PPM1L: variants seen among roughly 807,000 people sequenced by gnomAD.
PPM1L encodes the protein protein phosphatase, Mg2+/Mn2+ dependent 1L.
Under a neutral mutation model 31.4 loss-of-function variants are expected in PPM1L, and 13 were observed. That is an observed-to-expected ratio of 0.41 (90% CI 0.27 to 0.66). The LOEUF is 0.66. Among genes scored for constraint, PPM1L ranks in the 30% least tolerant of loss-of-function variants. The pLI is 0.29. For missense variants in PPM1L, 326 were observed against 453.7 expected, an observed-to-expected ratio of 0.72 and a Z score of 2.56; for synonymous variants, 184 against 175.4, an observed-to-expected ratio of 1.05 and a Z score of -0.39.
At chr3:160,963,417 G>A (rs1716030402) in intron 2 of PPM1L, among the ~76,000 whole-genome samples, 1 of 152,042 alleles carries the variant, frequency 6.6e-6, no homozygotes, top group African/African-American at 2.4e-5. Context: ...CTGAGATGTA[G>A]AAAATAGATC....
In PPM1L at chr3:160,814,745, G is replaced by GTA. The variant is rs369380232; in HGVS notation, c.399+58048_399+58049dup. Among the ~76,000 whole-genome samples, 423 of 148,700 alleles carry GTA rather than the reference G, an allele frequency of 2.8e-3. 4 individuals are homozygous for GTA. The highest frequency in any genetic ancestry group is 0.011 in the Middle Eastern group (3 of 282). On this transcript the variant is annotated intron_variant, in intron 1 of 3. Coordinates refer to ENST00000498165, the MANE Select transcript of PPM1L (RefSeq NM_139245.4). ...TATACGTGTATATATGTATATATGT[G>GTA]TATATATATATGTATATACCATATA...
At position 160,855,534 on chromosome 3, in the gene PPM1L, A is replaced by G. The variant is rs148644765; in HGVS notation, c.399+98827A>G. On this transcript the variant is annotated intron_variant, in intron 1 of 3. Coordinates refer to ENST00000498165, the MANE Select transcript of PPM1L (RefSeq NM_139245.4). Reference sequence around the variant, plus strand: ...ACTTAAATTAACAAGCAAAAAGCAAACAACCCCATTAAAAAGTGGACAAAG... The same window carrying G: ...ACTTAAATTAACAAGCAAAAAGCAAGCAACCCCATTAAAAAGTGGACAAAG... Among the ~76,000 whole-genome samples, 22 of 152,314 alleles carry G rather than the reference A, an allele frequency of 1.4e-4. No individual in the cohort carries two copies. In the East Asian group the frequency reaches 4.0e-3, roughly 28 times the overall value.
intron 1 of PPM1L, among the ~76,000 whole-genome samples, chr3:160,952,198 A>G (rs1166114136): frequency 2.0e-5 from 3 of 152,186 alleles, no homozygotes; most frequent in African/African-American, 7.2e-5. Flanking sequence ...CTGGTGGGCA[A>G]GGGCACTCAC....
intron 1 of PPM1L, among the ~76,000 whole-genome samples, chr3:160,831,818 C>G (rs1426181849): frequency 2.0e-5 from 3 of 152,162 alleles, no homozygotes; most frequent in Non-Finnish European, 1.5e-5. Flanking sequence ...ATTTGGTTTT[C>G]TCATTAGTAA....
chr3:160,980,266 A>G (rs1716750147), intron 2 of PPM1L, among the ~76,000 whole-genome samples: 1 of 152,024 alleles, frequency 6.6e-6, no homozygotes, highest in African/African-American at 2.4e-5. Context: ...TCTCTCCTGA[A>G]CTATGGCCAA....
At chr3:161,068,547 TC>T (rs1559943457) in intron 3 of PPM1L, among the ~76,000 whole-genome samples, 1 of 152,092 alleles carries the variant, frequency 6.6e-6, no homozygotes, top group Non-Finnish European at 1.5e-5. Context: ...ACCAATGCCC[TC>T]CCCCATATGT....
At chr3:160,829,595 C>A (rs545290185) in intron 1 of PPM1L, among the ~76,000 whole-genome samples, 1 of 152,146 alleles carries the variant, frequency 6.6e-6, no homozygotes, top group Non-Finnish European at 1.5e-5. Context: ...ACCTTTGAAA[C>A]GTGGCTGATT....
chr3:160,891,008 A>C (rs1560140707), intron 1 of PPM1L, among the ~76,000 whole-genome samples: 2 of 152,206 alleles, frequency 1.3e-5, no homozygotes, highest in African/African-American at 4.8e-5. Flanking sequence ...GTAAAACCCA[A>C]AACCATAAAT....
At chr3:160,844,623 T>C (rs1301037600) in intron 1 of PPM1L, among the ~76,000 whole-genome samples, 1 of 152,192 alleles carries the variant, frequency 6.6e-6, no homozygotes, top group Non-Finnish European at 1.5e-5. Flanking sequence ...TCTTAATGAT[T>C]TACAACTTGT....
chr3:161,041,350 C>G (rs545350985), intron 2 of PPM1L, among the ~76,000 whole-genome samples: 1 of 152,210 alleles, frequency 6.6e-6, no homozygotes, highest in Non-Finnish European at 1.5e-5. Context: ...AGGTTTAAAA[C>G]CAAGCTGCAC....
At chr3:160,800,100 G>T (rs1204723275) in intron 1 of PPM1L, among the ~76,000 whole-genome samples, 1 of 152,120 alleles carries the variant, frequency 6.6e-6, no homozygotes, top group Non-Finnish European at 1.5e-5. Flanking sequence ...GAAAAAAAGT[G>T]CATACTGATT....
chr3:160,947,147 T>C (rs1715433728), intron 1 of PPM1L, among the ~76,000 whole-genome samples: 5 of 152,176 alleles, frequency 3.3e-5, no homozygotes, highest in Admixed American at 3.3e-4. Flanking sequence ...ACTCAGACTC[T>C]TCATCATAAA....
intron 2 of PPM1L, among the ~76,000 whole-genome samples, chr3:160,969,139 AAGG>A (rs1433939803): frequency 6.6e-6 from 1 of 152,186 alleles, no homozygotes; most frequent in African/African-American, 2.4e-5. Flanking sequence ...GGAGGTGAGA[AAGG>A]AGGAGCAGCA....
intron 1 of PPM1L, among the ~76,000 whole-genome samples, chr3:160,900,812 T>C (rs961039442): frequency 6.6e-6 from 1 of 152,176 alleles, no homozygotes; most frequent in Non-Finnish European, 1.5e-5. Flanking sequence ...TTTCAAGTAA[T>C]TTTTCCAGAA....
intron 1 of PPM1L, among the ~76,000 whole-genome samples, chr3:160,951,081 C>T (rs981632443): frequency 6.6e-6 from 1 of 152,152 alleles, no homozygotes; most frequent in African/African-American, 2.4e-5. Flanking sequence ...CATCTTCTTT[C>T]TGTAACTGCA....
At chr3:161,036,726 T>G (rs1372067552) in intron 2 of PPM1L, among the ~76,000 whole-genome samples, 1 of 152,240 alleles carries the variant, frequency 6.6e-6, no homozygotes, top group African/African-American at 2.4e-5. Flanking sequence ...CTAGTCATTA[T>G]CAACCTGTGG....
chr3:160,947,011 G>C (rs1715430138), intron 1 of PPM1L, among the ~76,000 whole-genome samples: 1 of 152,132 alleles, frequency 6.6e-6, no homozygotes, highest in Non-Finnish European at 1.5e-5. Flanking sequence ...TTCTACACTT[G>C]AGAGAAATGT....
chr3:161,019,613 T>A (rs891032453), intron 2 of PPM1L, among the ~76,000 whole-genome samples: 3 of 152,306 alleles, frequency 2.0e-5, no homozygotes, highest in Non-Finnish European at 1.5e-5. Context: ...AGAATCAAAG[T>A]ACCATTTAGC....
At chr3:161,017,589 T>C (rs1353921245) in intron 2 of PPM1L, among the ~76,000 whole-genome samples, 1 of 152,104 alleles carries the variant, frequency 6.6e-6, no homozygotes, top group African/African-American at 2.4e-5. Context: ...GTATTACAAT[T>C]TTTCTAAGCC....
Sources: allele counts gnomAD v4.1 joint callset (sites outside exome capture counted in the v4.1 genomes callset), GRCh38; gene constraint gnomAD v4.1.1; transcripts MANE v1.5; gene names NCBI Gene and HGNC (gene_info 2026-07-23, HGNC 2026-07-21).